Variants in LAMA2 observed in about 807,000 individuals in gnomAD.
The protein encoded by LAMA2 is laminin subunit alpha-2.
In LAMA2, 269 loss-of-function variants were observed where a neutral mutation model predicts 364.8. That is an observed-to-expected ratio of 0.74 (90% CI 0.67 to 0.82). LAMA2 has a LOEUF of 0.82. Among genes scored for constraint, LAMA2 ranks in the 40% least tolerant of loss-of-function variants. The pLI is 0.00. For synonymous variants in LAMA2, 1,379 were observed against 1,370.6 expected, an observed-to-expected ratio of 1.01 and a Z score of -0.14; for missense variants, 3,807 against 3,873.2, an observed-to-expected ratio of 0.98 and a Z score of 0.45.
intron 1 of LAMA2, among the ~76,000 whole-genome samples, chr6:128,938,205 T>TA (rs1258098580): frequency 6.6e-6 from 1 of 152,156 alleles, no homozygotes; most frequent in East Asian, 1.9e-4. Flanking sequence ...CCCTTATCTG[T>TA]AAAAATGAGT....
chr6:129,372,668 G>A (rs1583597331), intron 34 of LAMA2, among the ~76,000 whole-genome samples: 3 of 152,344 alleles, frequency 2.0e-5, no homozygotes, highest in Non-Finnish European at 4.4e-5. Context: ...ATATAAAGGA[G>A]CATGATTGCT....
intron 9 of LAMA2, among the ~76,000 whole-genome samples, chr6:129,176,801 C>G (rs538172316): frequency 6.6e-5 from 10 of 151,870 alleles, no homozygotes; most frequent in African/African-American, 2.4e-4. Context: ...TTGCAATATT[C>G]CTGTTCATTT....
chr6:129,133,206 G>A (rs2114939734), intron 4 of LAMA2, among the ~76,000 whole-genome samples: 1 of 152,230 alleles, frequency 6.6e-6, no homozygotes, highest in South Asian at 2.1e-4. Context: ...AAAATTCCTT[G>A]TGCAATGAGA....
intron 3 of LAMA2, among the ~76,000 whole-genome samples, chr6:129,092,692 T>C (rs912626591): frequency 1.3e-4 from 20 of 152,190 alleles, no homozygotes; most frequent in African/African-American, 4.3e-4. Flanking sequence ...GAGCTCAACA[T>C]TGAGCAGAAA....
chr6:129,315,088 C>T (rs1361915523), intron 24 of LAMA2, among the ~76,000 whole-genome samples: 4 of 152,114 alleles, frequency 2.6e-5, no homozygotes, highest in Non-Finnish European at 5.9e-5. Context: ...AGTGAGGGCA[C>T]CAGAGCATGA....
chr6:129,013,573 A>G (rs1784901023), intron 1 of LAMA2, among the ~76,000 whole-genome samples: 1 of 152,368 alleles, frequency 6.6e-6, no homozygotes, highest in South Asian at 2.1e-4. Context: ...TGTGGGTTAG[A>G]GAAATCCAAT....
chr6:129,377,786 A>G (rs1029833123), intron 34 of LAMA2, among the ~76,000 whole-genome samples: 1 of 152,220 alleles, frequency 6.6e-6, no homozygotes, highest in Non-Finnish European at 1.5e-5. Flanking sequence ...AATGAAACAC[A>G]CTGGTCATAT....
intron 17 of LAMA2, 80 bp from the exon 18 acceptor site, chr6:129,279,977 GGAGA>G: frequency 1.1e-6 from 1 of 892,498 alleles, no homozygotes. Context: ...GAGCAGTAGT[GGAGA>G]GAGAGAAATG....
chr6:129,300,469 T>G (rs914952316), intron 21 of LAMA2, among the ~76,000 whole-genome samples: 2 of 152,200 alleles, frequency 1.3e-5, no homozygotes, highest in African/African-American at 4.8e-5. Flanking sequence ...AATTCTTTCC[T>G]TTCTTAAACT....
At chr6:129,033,373 CA>C (rs1277564282) in intron 1 of LAMA2, among the ~76,000 whole-genome samples, 1 of 152,004 alleles carries the variant, frequency 6.6e-6, no homozygotes, top group Non-Finnish European at 1.5e-5. Flanking sequence ...CCTTAAGGAC[CA>C]GGGAGGGCCC....
intron 47 of LAMA2, among the ~76,000 whole-genome samples, chr6:129,454,779 T>C (rs984935895): frequency 1.2e-4 from 18 of 152,192 alleles, no homozygotes; most frequent in African/African-American, 4.3e-4. Flanking sequence ...GATTCAGTTA[T>C]TCTATCTTTG....
intron 32 of LAMA2, among the ~76,000 whole-genome samples, chr6:129,362,853 C>T (rs1432586340): frequency 6.6e-6 from 1 of 152,040 alleles, no homozygotes; most frequent in Non-Finnish European, 1.5e-5. Context: ...ACCTGAACAC[C>T]TAGGAACCAG....
Position 129,017,076 on chromosome 6 carries a change from G to A in LAMA2, c.113-32842G>A, listed in dbSNP as rs570029668. On this transcript the variant is annotated intron_variant, in intron 1 of 64. Transcript: ENST00000421865. The stretch of plus-strand genomic sequence containing the variant: ...ACAACTACATCTAGACTTCTGCATC[G>A]CAAACCAGAACTACATTTAAATGCA... Among the ~76,000 whole-genome samples, 13 of 151,838 alleles carry A rather than the reference G, an allele frequency of 8.6e-5. No individual in the cohort carries two copies. In the South Asian group the frequency reaches 1.0e-3, roughly 12 times the overall value.
chr6:129,167,109 C>A (rs1254764020), intron 9 of LAMA2, among the ~76,000 whole-genome samples: 5 of 152,064 alleles, frequency 3.3e-5, no homozygotes, highest in Admixed American at 3.3e-4. Context: ...ACCTATTTAT[C>A]CCAGTCTTAC....
chr6:129,020,814 G>A (rs1233939247), intron 1 of LAMA2, among the ~76,000 whole-genome samples: 3 of 152,098 alleles, frequency 2.0e-5, no homozygotes, highest in Non-Finnish European at 4.4e-5. Flanking sequence ...GCAGAGGGGC[G>A]AGAGATGGGA....
intron 48 of LAMA2, among the ~76,000 whole-genome samples, chr6:129,456,737 G>A (rs1782984814): frequency 6.6e-6 from 1 of 152,006 alleles, no homozygotes; most frequent in Non-Finnish European, 1.5e-5. Flanking sequence ...TTTATCTGTG[G>A]CATCAGTTTT....
intron 14 of LAMA2, among the ~76,000 whole-genome samples, chr6:129,260,462 A>G (rs575217353): frequency 8.0e-4 from 122 of 152,268 alleles, no homozygotes; most frequent in Middle Eastern, 3.4e-3. Context: ...CCAAGAGCCA[A>G]GAGACGAGGA....
chr6:129,164,076 T>C (rs1312859793), intron 8 of LAMA2, among the ~76,000 whole-genome samples: 1 of 152,224 alleles, frequency 6.6e-6, no homozygotes, highest in African/African-American at 2.4e-5. Context: ...GTATATCTAA[T>C]ACAGTAGTCC....
rs557184099 is a variant in LAMA2, at chr6:129,393,411, CT to C, written c.5445+164del. 4.1e-4 allele frequency among the ~76,000 whole-genome samples: 62 copies of C among 152,038 alleles called. No individual in the cohort carries two copies. The East Asian group carries it at 6.6e-3, about 16-fold the overall frequency. On this transcript the variant is annotated intron_variant, in intron 37 of 64. Transcript: ENST00000421865. Reference sequence around the variant, plus strand: ...TTCTAAGAAACAGAACAAGAAATGACTTTTTTTTGTTTTTGTTTTGTTTTTA... The same window carrying C: ...TTCTAAGAAACAGAACAAGAAATGACTTTTTTTGTTTTTGTTTTGTTTTTA...
Sources: allele counts gnomAD v4.1 joint callset (sites outside exome capture counted in the v4.1 genomes callset), GRCh38; gene constraint gnomAD v4.1.1; transcripts MANE v1.5; gene names NCBI Gene and HGNC (gene_info 2026-07-23, HGNC 2026-07-21).